Variants in SPATS2L observed in about 807,000 individuals in gnomAD.
SPATS2L encodes the protein spermatogenesis associated serine rich 2 like, also known as SPATS2-like protein.
A neutral mutation model predicts 59.6 loss-of-function variants in SPATS2L; 30 were observed. That is an observed-to-expected ratio of 0.50 (90% CI 0.38 to 0.68). SPATS2L has a LOEUF of 0.68. Among genes scored for constraint, SPATS2L ranks in the 30% least tolerant of loss-of-function variants. SPATS2L has a pLI of 0.00. For synonymous variants in SPATS2L, 252 were observed against 263.5 expected, an observed-to-expected ratio of 0.96 and a Z score of 0.42; for missense variants, 615 against 700.0, an observed-to-expected ratio of 0.88 and a Z score of 1.37.
At chr2:200,324,708 A>G (rs540503931) in intron 1 of SPATS2L, among the ~76,000 whole-genome samples, 3 of 152,176 alleles carry the variant, frequency 2.0e-5, no homozygotes, top group Non-Finnish European at 2.9e-5. Context: ...TATACAATAA[A>G]TTTTACTTCA....
chr2:200,307,224 G>C (rs1297426046), intron 1 of SPATS2L, among the ~76,000 whole-genome samples: 2 of 151,586 alleles, frequency 1.3e-5, no homozygotes, highest in Non-Finnish European at 2.9e-5. Flanking sequence ...TGTGGCCGCC[G>C]CGCTCCGACG....
chr2:200,382,505 GC>G (rs1218947969), intron 2 of SPATS2L, among the ~76,000 whole-genome samples: 2 of 152,204 alleles, frequency 1.3e-5, no homozygotes, highest in African/African-American at 4.8e-5. Context: ...GCCTGAGAAG[GC>G]AGGTCCCGTG....
chr2:200,332,337 T>G (rs1463704507), intron 2 of SPATS2L, among the ~76,000 whole-genome samples: 1 of 152,108 alleles, frequency 6.6e-6, no homozygotes, highest in Non-Finnish European at 1.5e-5. Context: ...TTCAACCTCC[T>G]GGGCTAACAC....
intron 12 of SPATS2L, among the ~76,000 whole-genome samples, chr2:200,474,152 C>G (rs2087310745): frequency 6.8e-6 from 1 of 146,262 alleles, no homozygotes; most frequent in Non-Finnish European, 1.5e-5. Context: ...TAACAGGTGT[C>G]TTGTTGGGTT....
At chr2:200,423,862 T>C (rs1347233497) in intron 6 of SPATS2L, among the ~76,000 whole-genome samples, 2 of 152,204 alleles carry the variant, frequency 1.3e-5, no homozygotes, top group East Asian at 3.9e-4. Context: ...GGATCTCTCT[T>C]TTTAAAAGTC....
chr2:200,380,921 C>T (rs538080541), intron 2 of SPATS2L, among the ~76,000 whole-genome samples: 31 of 152,252 alleles, frequency 2.0e-4, no homozygotes, highest in Middle Eastern at 3.4e-3. Context: ...ATAATTAAAG[C>T]GACTTTCCTC....
intron 2 of SPATS2L, among the ~76,000 whole-genome samples, chr2:200,357,746 AGT>A (rs2080964063): frequency 1.3e-5 from 2 of 152,190 alleles, no homozygotes; most frequent in African/African-American, 4.8e-5. Context: ...TCTGCATTCA[AGT>A]AGACTATCAT....
chr2:200,383,877 G>A, intron 2 of SPATS2L: 1 of 1,000,872 alleles, frequency 1.0e-6, no homozygotes, highest in Non-Finnish European at 1.2e-6. Flanking sequence ...TTCAAGCAAA[G>A]TGATGTAATA....
intron 2 of SPATS2L, among the ~76,000 whole-genome samples, chr2:200,333,588 G>A (rs2080033239): frequency 6.6e-6 from 1 of 151,758 alleles, no homozygotes; most frequent in African/African-American, 2.4e-5. Context: ...TGCCATGTTG[G>A]TGTGCTGCAC....
intron 3 of SPATS2L, 70 bp downstream of exon 3, chr2:200,389,353 C>A: frequency 8.6e-7 from 1 of 1,156,936 alleles, no homozygotes; most frequent in Non-Finnish European, 1.2e-6. Flanking sequence ...CAGGTAAAAA[C>A]TCAATTACAG....
intron 6 of SPATS2L, among the ~76,000 whole-genome samples, chr2:200,420,695 G>A (rs944916408): frequency 6.6e-6 from 1 of 152,084 alleles, no homozygotes; most frequent in Admixed American, 6.6e-5. Flanking sequence ...TGCAATAGTT[G>A]AATCTTGGAA....
At chr2:200,450,071 A>G (rs1026343903) in intron 8 of SPATS2L, among the ~76,000 whole-genome samples, 5 of 152,196 alleles carry the variant, frequency 3.3e-5, no homozygotes, top group Admixed American at 6.5e-5. Flanking sequence ...AGTTAGATAG[A>G]TTAAGGTTTA....
chr2:200,316,707 G>T (rs1314747426), intron 1 of SPATS2L, among the ~76,000 whole-genome samples: 1 of 152,138 alleles, frequency 6.6e-6, no homozygotes, highest in East Asian at 1.9e-4. Context: ...ACCCCAAGTT[G>T]TCTTAGTTAA....
At chr2:200,369,153 A>G (rs573613952) in intron 2 of SPATS2L, among the ~76,000 whole-genome samples, 1 of 151,226 alleles carries the variant, frequency 6.6e-6, no homozygotes, top group East Asian at 1.9e-4. Flanking sequence ...ACATTCATTT[A>G]TTTTATTTAT....
chr2:200,428,870 T>C (rs1363416285), intron 6 of SPATS2L, among the ~76,000 whole-genome samples: 3 of 152,202 alleles, frequency 2.0e-5, no homozygotes, highest in Non-Finnish European at 1.5e-5. Flanking sequence ...CTAGAATTCA[T>C]TCATTGCTGT....
At chr2:200,336,339 C>T (rs557625858) in intron 2 of SPATS2L, among the ~76,000 whole-genome samples, 1 of 152,220 alleles carries the variant, frequency 6.6e-6, no homozygotes, top group African/African-American at 2.4e-5. Flanking sequence ...TGTATTCATT[C>T]TGTCATCCTT....
chr2:200,398,422 A>G (rs944646180), intron 3 of SPATS2L, among the ~76,000 whole-genome samples: 1 of 152,178 alleles, frequency 6.6e-6, no homozygotes, highest in African/African-American at 2.4e-5. Context: ...TTAAAATGCA[A>G]ACTCTAGAAT....
chr2:200,472,768 A>G, intron 11 of SPATS2L, 64 bp from the exon 12 acceptor site: 1 of 1,408,930 alleles, frequency 7.1e-7, no homozygotes, highest in Non-Finnish European at 1.0e-6. Context: ...GCGCTTCCTA[A>G]TGGGTTACTG....
At chr2:200,388,836 C>T (rs1010086934) in intron 2 of SPATS2L, among the ~76,000 whole-genome samples, 3 of 151,974 alleles carry the variant, frequency 2.0e-5, no homozygotes, top group East Asian at 3.9e-4. Flanking sequence ...TGTTAGATTA[C>T]CAAGGAGCTG....
Sources: allele counts gnomAD v4.1 joint callset (sites outside exome capture counted in the v4.1 genomes callset), GRCh38; gene constraint gnomAD v4.1.1; transcripts MANE v1.5; gene names NCBI Gene and HGNC (gene_info 2026-07-23, HGNC 2026-07-21).